Variants in VEZT observed in about 807,000 individuals in gnomAD.
The protein encoded by VEZT is vezatin, adherens junctions transmembrane protein, also known as vezatin.
In VEZT, 39 loss-of-function variants were observed where a neutral mutation model predicts 79.9. That is an observed-to-expected ratio of 0.49 (90% CI 0.38 to 0.64). The LOEUF (loss-of-function observed/expected upper bound fraction) is 0.64, where lower values mean the gene tolerates loss of function less well. Among genes scored for constraint, VEZT ranks in the 30% least tolerant of loss-of-function variants. VEZT has a pLI of 0.00. For synonymous variants in VEZT, 325 were observed against 327.6 expected, an observed-to-expected ratio of 0.99 and a Z score of 0.09; for missense variants, 837 against 893.1, an observed-to-expected ratio of 0.94 and a Z score of 0.80.
intron 1 of VEZT, among the ~76,000 whole-genome samples, chr12:95,236,740 C>T (rs1023769291): frequency 6.6e-6 from 1 of 152,002 alleles, no homozygotes; most frequent in African/African-American, 2.4e-5. Context: ...TCTCCTGCCA[C>T]CACGCCCGGC....
At chr12:95,263,255 G>T (rs761246086) in intron 4 of VEZT, among the ~76,000 whole-genome samples, 174 bp downstream of exon 4, 1 of 152,138 alleles carries the variant, frequency 6.6e-6, no homozygotes, top group Non-Finnish European at 1.5e-5. Flanking sequence ...ACTATTTAAA[G>T]TGAAGCTAGG....
chr12:95,284,705 C>T (rs2070146723), intron 8 of VEZT, among the ~76,000 whole-genome samples: 2 of 152,056 alleles, frequency 1.3e-5, no homozygotes, highest in Admixed American at 6.6e-5. Context: ...GCAGCTTTTG[C>T]CATTAAAAGT....
intron 5 of VEZT, among the ~76,000 whole-genome samples, chr12:95,269,091 G>A (rs967550318): frequency 1.3e-5 from 2 of 152,046 alleles, no homozygotes; most frequent in Admixed American, 6.6e-5. Context: ...CATTTTTAAA[G>A]TTTTGAGTTA....
chr12:95,241,498 T>C (rs2061013339), intron 1 of VEZT, among the ~76,000 whole-genome samples: 1 of 151,972 alleles, frequency 6.6e-6, no homozygotes, highest in Non-Finnish European at 1.5e-5. Context: ...AGAGACAAGG[T>C]CTTGCTTTAT....
intron 1 of VEZT, among the ~76,000 whole-genome samples, chr12:95,222,183 C>T (rs1454551582): frequency 6.6e-6 from 1 of 152,120 alleles, no homozygotes; most frequent in African/African-American, 2.4e-5. Flanking sequence ...TTATTATAAT[C>T]CAATTAAACC....
intron 1 of VEZT, among the ~76,000 whole-genome samples, chr12:95,224,916 A>G (rs1164252372): frequency 1.3e-5 from 2 of 152,154 alleles, no homozygotes; most frequent in Admixed American, 6.5e-5. Flanking sequence ...GGAGCTCACA[A>G]CCTAGATCTC....
chr12:95,259,697 C>T (rs1197186797), intron 3 of VEZT, among the ~76,000 whole-genome samples: 1 of 152,178 alleles, frequency 6.6e-6, no homozygotes, highest in East Asian at 1.9e-4. Flanking sequence ...ATATTTAAAT[C>T]GATCAGAATT....
chr12:95,257,381 T>C, intron 3 of VEZT, 142 bp downstream of exon 3: 1 of 675,444 alleles, frequency 1.5e-6, no homozygotes, highest in Non-Finnish European at 2.5e-6. Context: ...GATCTTTTAA[T>C]TTGGGCTTAC....
At chr12:95,233,400 T>G (rs1367283151) in intron 1 of VEZT, among the ~76,000 whole-genome samples, 1 of 152,102 alleles carries the variant, frequency 6.6e-6, no homozygotes, top group Non-Finnish European at 1.5e-5. Context: ...TTTTTTATTT[T>G]TATTTTTTAT....
chr12:95,287,198 CA>C (rs1012178576), intron 8 of VEZT, among the ~76,000 whole-genome samples: 76 of 152,012 alleles, frequency 5.0e-4, no homozygotes, highest in African/African-American at 1.8e-3. Flanking sequence ...GAATACATAA[CA>C]AAAATTATCA....
chr12:95,276,259 C>CTTTTTTTTTTTTTTTTT (rs35034660), intron 7 of VEZT, among the ~76,000 whole-genome samples: 16 of 75,156 alleles, frequency 2.1e-4, no homozygotes, highest in Non-Finnish European at 2.8e-4. Context: ...TAATTTTTTT[C>CTTTTTTTTTTTTTTTTT]TTTTTTTTTT....
At chr12:95,262,848 C>T (rs900112695) in intron 3 of VEZT, 58 bp from the exon 4 acceptor site, 63 of 1,381,148 alleles carry the variant, frequency 4.6e-5, no homozygotes, top group South Asian at 7.7e-5. Flanking sequence ...AGGAGCTTAG[C>T]GTTTAATGCA....
Position 95,251,011 on chromosome 12 carries a change from TTTTG to T in VEZT, c.37-917_37-914del, listed in dbSNP as rs545688778. 2.3e-3 allele frequency among the ~76,000 whole-genome samples: 351 copies of T among 152,160 alleles called. 1 individual carries two copies. The highest frequency in any genetic ancestry group is 6.9e-3 in the African/African-American group (287 of 41,514). On this transcript the variant is annotated intron_variant, in intron 1 of 11. Transcript: ENST00000436874. The stretch of plus-strand genomic sequence containing the variant: ...TCGGGATTTGAATCTGTAGATTGGT[TTTTG>T]TTTGTTTGTTTTGAGATGGAGTTTT...
chr12:95,226,832 G>A (rs1474772258), intron 1 of VEZT, among the ~76,000 whole-genome samples: 4 of 152,196 alleles, frequency 2.6e-5, no homozygotes, highest in South Asian at 4.2e-4. Context: ...GCTAGATTCC[G>A]TATGTACTTT....
intron 9 of VEZT, 39 bp downstream of exon 9, chr12:95,287,896 C>T: frequency 6.6e-7 from 1 of 1,513,870 alleles, no homozygotes; most frequent in South Asian, 1.3e-5. Flanking sequence ...GCTTATCAGA[C>T]ATGCTTATTC....
At chr12:95,266,713 C>A in intron 5 of VEZT, 81 bp downstream of exon 5, 1 of 1,369,450 alleles carries the variant, frequency 7.3e-7, no homozygotes, top group Non-Finnish European at 9.6e-7. Context: ...ATTTTCATTT[C>A]TATGTTGCAT....
rs2075076109 is a variant in VEZT at position 95,300,482 on chromosome 12, T to G, written c.2149T>G (p.Ser717Ala). 1 of 1,613,936 alleles carries G rather than the reference T, an allele frequency of 6.2e-7. No homozygotes were observed. The highest frequency in any genetic ancestry group is 8.5e-7 in the Non-Finnish European group (1 of 1,179,866). Residue 717 changes from serine (S) to alanine (A), a missense_variant, in exon 12 of 12, where the codon TCA becomes GCA. Ser to Ala is a moderately conservative substitution (Grantham distance 99). Transcript: ENST00000436874. ...CACTGCCCCTCCAACTCCCAGGGAC[T>G]CATTACAGCCCTCCATTAAGCAGAG... ...LTTAPPTPRD[S>A]LQPSIKQRLA...
At chr12:95,257,846 T>G (rs2063712478) in intron 3 of VEZT, among the ~76,000 whole-genome samples, 1 of 151,876 alleles carries the variant, frequency 6.6e-6, no homozygotes, top group South Asian at 2.1e-4. Flanking sequence ...TCCTGTAAAT[T>G]AACATTTGTA....
chr12:95,237,254 A>G (rs1298054094), intron 1 of VEZT, among the ~76,000 whole-genome samples: 1 of 152,046 alleles, frequency 6.6e-6, no homozygotes, highest in Non-Finnish European at 1.5e-5. Context: ...GTTTCCTCAT[A>G]TCTAAAATGA....
Sources: allele counts gnomAD v4.1 joint callset (sites outside exome capture counted in the v4.1 genomes callset), GRCh38; gene constraint gnomAD v4.1.1; transcripts MANE v1.5; gene names NCBI Gene and HGNC (gene_info 2026-07-23, HGNC 2026-07-21).